The following GALNT16 variants were observed in gnomAD, a reference collection of about 807,000 sequenced individuals.
GALNT16 encodes polypeptide N-acetylgalactosaminyltransferase 16, also known as UDP-GalNAc:polypeptide N-acetylgalactosaminyltransferase-like protein 1.
Under a neutral mutation model 76.1 loss-of-function variants are expected in GALNT16, and 40 were observed. The ratio of observed to expected loss-of-function variants is 0.53; its 90% CI spans 0.41 to 0.68. The LOEUF (loss-of-function observed/expected upper bound fraction) is 0.68. Ranked by LOEUF, GALNT16 falls within the 30% of genes least tolerant of loss-of-function variation. The pLI, the probability that GALNT16 is intolerant of heterozygous loss-of-function variation, is 0.00. For synonymous variants in GALNT16, 276 were observed against 285.2 expected, an observed-to-expected ratio of 0.97 and a Z score of 0.32; for missense variants, 621 against 731.9, an observed-to-expected ratio of 0.85 and a Z score of 1.75.
In GALNT16 at chr14:69,339,604, G is replaced by C. The variant is rs2045459624; in HGVS notation, c.1172G>C (p.Gly391Ala). ...YYYEARPSAI[G>A]KAFGSVATRI... is the part of the protein sequence containing the mutation. ...TATGAGGCCCGGCCCTCGGCCATCG[G>C]GAAGGCCTTCGGCAGGTGGGCCCCC... The change falls in exon 11 of 15, where the codon GGG becomes GCG. Residue 391 changes from glycine (G) to alanine (A), a missense_variant. Transcript: ENST00000448469. 2 of 1,604,654 alleles carry C rather than the reference G, an allele frequency of 1.2e-6. No individual in the cohort carries two copies. The highest frequency in any genetic ancestry group is 1.7e-6 in the Non-Finnish European group (2 of 1,174,120).
the GALNT16 span, chr14:69,380,716 G>A: frequency 1.3e-6 from 1 of 794,960 alleles, no homozygotes; most frequent in Non-Finnish European, 2.2e-6. Context: ...AATTATAACT[G>A]CCCAATGATG....
At chr14:69,302,834 C>A (rs767756143) in intron 1 of GALNT16, among the ~76,000 whole-genome samples, 1 of 152,120 alleles carries the variant, frequency 6.6e-6, no homozygotes, top group Non-Finnish European at 1.5e-5. Context: ...AAAAAGAATA[C>A]ATTTTTAGAA....
chr14:69,294,385 G>T (rs1324217795), intron 1 of GALNT16, among the ~76,000 whole-genome samples: 1 of 152,200 alleles, frequency 6.6e-6, no homozygotes. Context: ...GCCTCCCAAA[G>T]TGCTGGGTTA....
chr14:69,285,820 G>T (rs2044603579), intron 1 of GALNT16, among the ~76,000 whole-genome samples: 1 of 152,010 alleles, frequency 6.6e-6, no homozygotes, highest in Non-Finnish European at 1.5e-5. Flanking sequence ...TCATCTTCTG[G>T]ATACATACCC....
chr14:69,269,319 G>T (rs1161727695), intron 1 of GALNT16, among the ~76,000 whole-genome samples: 1 of 150,804 alleles, frequency 6.6e-6, no homozygotes, highest in African/African-American at 2.4e-5. Context: ...TGTATGTGTA[G>T]TGTGTATGTT....
At position 69,352,306 on chromosome 14, in the gene GALNT16, C is replaced by T; in HGVS notation, c.*138C>T. 2 of 795,970 alleles carry T rather than the reference C, an allele frequency of 2.5e-6. No individual in the cohort carries two copies. Among genetic ancestry groups the T allele is most frequent in the Admixed American group, 3.0e-5 (1 of 33,516 alleles). The allele number at this position is 795,970 out of a possible 1,614,324, so 49.3% of individuals were successfully genotyped here. On this transcript the variant is annotated 3_prime_UTR_variant, in exon 15 of 15. Coordinates refer to ENST00000448469, the MANE Select transcript of GALNT16 (RefSeq NM_001168368.2). ...CCATCAGCAAATACCCACCATGACA[C>T]ACGTTCTCCAAAGCTTGTTCTAGGA...
At chr14:69,268,942 C>G (rs2044371667) in intron 1 of GALNT16, among the ~76,000 whole-genome samples, 3 of 152,174 alleles carry the variant, frequency 2.0e-5, no homozygotes, top group Admixed American at 2.0e-4. Context: ...GTGCCCACAG[C>G]AGAGGCCAGA....
the GALNT16 span, among the ~76,000 whole-genome samples, chr14:69,369,024 C>T: frequency 1.3e-5 from 2 of 152,182 alleles, no homozygotes; most frequent in Admixed American, 6.5e-5. Context: ...TAAACTATAC[C>T]CCTCACTCTT....
the GALNT16 span, among the ~76,000 whole-genome samples, chr14:69,368,684 C>T: frequency 1.3e-5 from 2 of 152,192 alleles, no homozygotes; most frequent in Admixed American, 1.3e-4. Flanking sequence ...AGGCAGGAAT[C>T]ACTGGGGGCC....
chr14:69,286,099 C>T (rs2140122423), intron 1 of GALNT16, among the ~76,000 whole-genome samples: 1 of 152,252 alleles, frequency 6.6e-6, no homozygotes, highest in South Asian at 2.1e-4. Flanking sequence ...CCAGCCTGGG[C>T]AACTCACTGT....
At chr14:69,324,424 T>TGA (rs2045249430) in intron 2 of GALNT16, among the ~76,000 whole-genome samples, 1 of 152,058 alleles carries the variant, frequency 6.6e-6, no homozygotes, top group African/African-American at 2.4e-5. Flanking sequence ...CTGGGGGCTC[T>TGA]GAGATCTCTG....
At chr14:69,290,494 G>A (rs1444904334) in intron 1 of GALNT16, among the ~76,000 whole-genome samples, 1 of 152,232 alleles carries the variant, frequency 6.6e-6, no homozygotes, top group Non-Finnish European at 1.5e-5. Context: ...GAGACAAGAT[G>A]TTGGCAGGGG....
At chr14:69,361,507 A>G (rs899198135), downstream of GALNT16, among the ~76,000 whole-genome samples, 1 of 152,170 alleles carries the variant, frequency 6.6e-6, no homozygotes, top group African/African-American at 2.4e-5. Flanking sequence ...ATATTCATAG[A>G]ACACTGACAT....
At chr14:69,370,296 G>A in the GALNT16 span, among the ~76,000 whole-genome samples, 1 of 152,268 alleles carries the variant, frequency 6.6e-6, no homozygotes, top group African/African-American at 2.4e-5. Flanking sequence ...CTCAACAAAG[G>A]CTTCTTTTGT....
chr14:69,279,683 T>A lies in GALNT16; in HGVS notation c.177+19216T>A, dbSNP rs532957590. The stretch of plus-strand genomic sequence containing the variant: ...CGAGTATAGCACAGTCTTGGACAGC[T>A]TCACTGAGGGCTGAATCTTTGAAGA... On this transcript the variant is annotated intron_variant, in intron 1 of 14. Coordinates refer to ENST00000448469, the MANE Select transcript of GALNT16 (RefSeq NM_001168368.2). 1.4e-4 allele frequency among the ~76,000 whole-genome samples: 22 copies of A among 152,342 alleles called. No homozygotes were observed. The Middle Eastern group carries it at 0.01, about 71-fold the overall frequency.
At position 69,273,288 on chromosome 14, in the gene GALNT16, G is replaced by A. The variant is rs563961714; in HGVS notation, c.177+12821G>A. On this transcript the variant is annotated intron_variant, in intron 1 of 14. Transcript: ENST00000448469. ...GAGAAGCCTTTTACTCCCCTGGAAGGTAGAGGGATTATTTCCAGTCTGTTG... is the reference window on the plus strand; with the variant it reads ...GAGAAGCCTTTTACTCCCCTGGAAGATAGAGGGATTATTTCCAGTCTGTTG... Among the ~76,000 whole-genome samples the A allele has an allele frequency of 4.3e-4, 65 of 152,340 alleles. 1 individual carries two copies. Among genetic ancestry groups the A allele is most frequent in the African/African-American group, 1.4e-3 (59 of 41,576 alleles).
intron 9 of GALNT16, among the ~76,000 whole-genome samples, chr14:69,335,271 A>G (rs79669206): frequency 0.063 from 9,574 of 152,276 alleles, 401 homozygotes; most frequent in East Asian, 0.2. Context: ...GGGAATGGGC[A>G]TGGGACTCCC....
chr14:69,378,518 C>A, the GALNT16 span, among the ~76,000 whole-genome samples: 3 of 152,200 alleles, frequency 2.0e-5, no homozygotes, highest in Non-Finnish European at 2.9e-5. Context: ...TTGCACATTT[C>A]ACCTTCACAA....
intron 4 of GALNT16, among the ~76,000 whole-genome samples, chr14:69,325,620 G>C (rs1174170697): frequency 2.0e-5 from 3 of 152,190 alleles, no homozygotes; most frequent in African/African-American, 7.2e-5. Flanking sequence ...TGGGACTCTA[G>C]TGAGATGATA....
Sources: gnomAD v4.1 joint callset for allele counts (sites outside exome capture counted in the v4.1 genomes callset) on GRCh38, gnomAD v4.1.1 for gene constraint, MANE v1.5 for transcripts, NCBI Gene and HGNC (gene_info 2026-07-23, HGNC 2026-07-21) for gene names.